The following NPR3 variants were observed in gnomAD, a reference collection of about 807,000 sequenced individuals.
NPR3 encodes natriuretic peptide receptor 3.
Under a neutral mutation model 54.5 loss-of-function variants are expected in NPR3, and 34 were observed. The observed-to-expected ratio is 0.62, with a 90% CI of 0.47 to 0.83. NPR3 has a LOEUF of 0.83. Among genes scored for constraint, NPR3 ranks in the 40% least tolerant of loss-of-function variants. The probability of loss-of-function intolerance (pLI) is 0.00; values close to 1 mark genes in which losing one functional copy is unlikely to be tolerated. For synonymous variants in NPR3, 289 were observed against 297.1 expected, an observed-to-expected ratio of 0.97 and a Z score of 0.28; for missense variants, 674 against 720.8, an observed-to-expected ratio of 0.94 and a Z score of 0.74.
At chr5:32,731,493 ACTTAT>A (rs1001593637) in intron 2 of NPR3, among the ~76,000 whole-genome samples, 3 of 152,202 alleles carry the variant, frequency 2.0e-5, no homozygotes, top group Non-Finnish European at 4.4e-5. Context: ...GAATAATAAT[ACTTAT>A]CTTATGGCAT....
chr5:32,770,515 G>A lies in NPR3; in HGVS notation c.1060-4193G>A, dbSNP rs181448593. The stretch of plus-strand genomic sequence containing the variant: ...TAGCGCCCTCTTGTCATGCTACCTT[G>A]TTTTGGCAAGAATGAGTGGAAGATG... On this transcript the variant is annotated intron_variant, in intron 3 of 7. Transcript: ENST00000265074. 9.9e-5 allele frequency among the ~76,000 whole-genome samples: 15 copies of A among 152,284 alleles called. No homozygotes were observed. The East Asian group carries it at 2.5e-3, about 25-fold the overall frequency.
chr5:32,775,605 CT>C (rs1366514170), intron 4 of NPR3, among the ~76,000 whole-genome samples: 2 of 149,938 alleles, frequency 1.3e-5, no homozygotes, highest in African/African-American at 2.5e-5. Flanking sequence ...TTTTTGCTTT[CT>C]TTTTTTTTGA....
intron 2 of NPR3, among the ~76,000 whole-genome samples, chr5:32,738,269 T>C (rs1167983026): frequency 6.6e-6 from 1 of 152,154 alleles, no homozygotes; most frequent in Admixed American, 6.5e-5. Context: ...ATATTTCTCC[T>C]AATGCTATCC....
At chr5:32,728,837 G>GTGTATATA (rs1328627035) in intron 2 of NPR3, among the ~76,000 whole-genome samples, 15 of 48,006 alleles carry the variant, frequency 3.1e-4, no homozygotes, top group South Asian at 2.5e-3. Flanking sequence ...GTGTGTGTGT[G>GTGTATATA]TATATATATA....
chr5:32,737,768 AAAAG>A, intron 2 of NPR3, among the ~76,000 whole-genome samples: 1 of 152,318 alleles, frequency 6.6e-6, no homozygotes, highest in African/African-American at 2.4e-5. Flanking sequence ...TTGCTTTTGT[AAAAG>A]AGAGACCTGT....
At chr5:32,785,980 T>C (rs1441569985) in intron 7 of NPR3, among the ~76,000 whole-genome samples, 1 of 152,216 alleles carries the variant, frequency 6.6e-6, no homozygotes, top group African/African-American at 2.4e-5. Context: ...AGACAAGACC[T>C]AACCCCCAAG....
intron 4 of NPR3, among the ~76,000 whole-genome samples, chr5:32,777,574 C>T (rs990156806): frequency 6.6e-6 from 1 of 152,110 alleles, no homozygotes; most frequent in Non-Finnish European, 1.5e-5. Flanking sequence ...CATATTTTTT[C>T]AGTTGGGACT....
intron 1 of NPR3, among the ~76,000 whole-genome samples, chr5:32,721,320 G>A (rs955464190): frequency 4.6e-5 from 7 of 152,190 alleles, no homozygotes; most frequent in Non-Finnish European, 8.8e-5. Flanking sequence ...TAGACACAGT[G>A]CCACTCTATG....
chr5:32,771,079 T>C (rs1001999908), intron 3 of NPR3, among the ~76,000 whole-genome samples: 1 of 152,150 alleles, frequency 6.6e-6, no homozygotes, highest in Admixed American at 6.5e-5. Context: ...TATTTTTTTC[T>C]TAATTTGCAC....
intron 1 of NPR3, among the ~76,000 whole-genome samples, chr5:32,701,462 T>C (rs1055677757): frequency 6.6e-6 from 1 of 152,248 alleles, no homozygotes; most frequent in Non-Finnish European, 1.5e-5. Flanking sequence ...TATTTTGAAT[T>C]CTCTGTCTGA....
chr5:32,786,286 C>T lies in NPR3; in HGVS notation c.1567C>T (p.Leu523Phe), dbSNP rs755285590. 6.3e-6 allele frequency: 10 copies of T among 1,592,400 alleles called. No individual in the cohort carries two copies. Among genetic ancestry groups the T allele is most frequent in the Non-Finnish European group, 7.7e-6 (9 of 1,163,626 alleles). The change falls in exon 8 of 8, where the codon CTT (leucine) becomes TTT (phenylalanine). Residue 523 changes from leucine to phenylalanine, a missense_variant. Coordinates refer to ENST00000265074, the MANE Select transcript of NPR3 (RefSeq NM_001204375.2). Reference protein sequence around the residue: ...ERRTQQEESNLGKHRELREDS... With the variant: ...ERRTQQEESNFGKHRELREDS... The stretch of plus-strand genomic sequence containing the variant: ...GCGAACCCAGCAAGAAGAAAGTAAC[C>T]TTGGAAAACATCGGGAATTACGGGA...
chr5:32,736,250 A>AAAT (rs767552667), intron 2 of NPR3, among the ~76,000 whole-genome samples: 1 of 128,570 alleles, frequency 7.8e-6, no homozygotes. Context: ...AAAAAAAAAG[A>AAAT]AAAAAAAAAG....
rs199604802 is a variant in NPR3, at chr5:32,743,987, ATTTTTTT to A, written c.1059+4975_1059+4981del. ...GGGGAAATCTATTCCATTCTGATGC[ATTTTTTT>A]TTTTTTTTTTTTTTTTTGAGACAGA... On this transcript the variant is annotated intron_variant, in intron 3 of 7. Coordinates refer to ENST00000265074, the MANE Select transcript of NPR3 (RefSeq NM_001204375.2). Among the ~76,000 whole-genome samples the A allele has an allele frequency of 5.3e-4, 60 of 113,828 alleles. 1 individual carries two copies. Among genetic ancestry groups the A allele is most frequent in the Admixed American group, 7.8e-4 (8 of 10,304 alleles). 74.7% of individuals were successfully genotyped at this position (113,828 alleles called of 152,430 possible). A position where few individuals can be genotyped will look rare whatever the true frequency, so the allele number is the denominator to read the frequency against.
rs1485838581 is a variant in NPR3 at position 32,783,343 on chromosome 5, C to G, written c.1426+315C>G. On this transcript the variant is annotated intron_variant, in intron 6 of 7. Coordinates refer to ENST00000265074, the MANE Select transcript of NPR3 (RefSeq NM_001204375.2). ...TAGTAAATATCACTCCCTTATTCAT[C>G]TGTCACAGCAAGTCTCGTTCTGATT... 4 of 224,558 alleles carry G rather than the reference C, an allele frequency of 1.8e-5. No homozygotes were observed. In the East Asian group the frequency reaches 4.3e-4, roughly 24 times the overall value. The allele number at this position is 224,558 out of a possible 1,614,324, so 13.9% of individuals were successfully genotyped here. A position where few individuals can be genotyped will look rare whatever the true frequency, so the allele number is the denominator to read the frequency against.
intron 3 of NPR3, among the ~76,000 whole-genome samples, chr5:32,739,456 T>C (rs1739931856): frequency 6.6e-6 from 1 of 152,200 alleles, no homozygotes; most frequent in South Asian, 2.1e-4. Flanking sequence ...ATTTGGGGTT[T>C]TAGGATACAT....
chr5:32,738,568 G>T (rs1739873957), intron 2 of NPR3, among the ~76,000 whole-genome samples: 1 of 152,198 alleles, frequency 6.6e-6, no homozygotes, highest in African/African-American at 2.4e-5. Context: ...TTACAGTGCT[G>T]CAATTTTGGG....
chr5:32,785,221 C>CT (rs1328599269), intron 7 of NPR3, among the ~76,000 whole-genome samples: 4 of 141,588 alleles, frequency 2.8e-5, no homozygotes, highest in Non-Finnish European at 4.5e-5. Flanking sequence ...GGCACGATCT[C>CT]TGTTCACTGC....
intron 3 of NPR3, among the ~76,000 whole-genome samples, chr5:32,742,877 A>G (rs1382113415): frequency 6.6e-6 from 1 of 152,214 alleles, no homozygotes; most frequent in Non-Finnish European, 1.5e-5. Context: ...ATCTTTGGAC[A>G]TAGATTTTTT....
In NPR3 at chr5:32,787,116, C is replaced by A. The variant is rs1040642418; in HGVS notation, c.*771C>A. On this transcript the variant is annotated 3_prime_UTR_variant, in exon 8 of 8. Transcript: ENST00000265074. ...TATTAGAAAAATTTGTCTATTTTTTCATTTTGAAGATTAAATGTTGCTTAC... is the reference window on the plus strand; with the variant it reads ...TATTAGAAAAATTTGTCTATTTTTTAATTTTGAAGATTAAATGTTGCTTAC... 12 of 151,480 alleles carry A rather than the reference C, an allele frequency of 7.9e-5. No homozygotes were observed. Among genetic ancestry groups the A allele is most frequent in the African/African-American group, 2.9e-4 (12 of 41,088 alleles). 9.4% of individuals were successfully genotyped at this position (151,480 alleles called of 1,614,324 possible).
Sources: gnomAD v4.1 joint callset for allele counts (sites outside exome capture counted in the v4.1 genomes callset) on GRCh38, gnomAD v4.1.1 for gene constraint, MANE v1.5 for transcripts, NCBI Gene and HGNC (gene_info 2026-07-23, HGNC 2026-07-21) for gene names.